The following INO80 variants were observed in gnomAD, a reference collection of about 807,000 sequenced individuals.
The protein encoded by INO80 is chromatin-remodeling ATPase INO80.
A neutral mutation model predicts 203.4 loss-of-function variants in INO80; 20 were observed. That is an observed-to-expected ratio of 0.10 (90% CI 0.07 to 0.14). INO80 has a LOEUF of 0.14. Ranked by LOEUF, INO80 falls within the 10% of genes least tolerant of loss-of-function variation. INO80 has a pLI of 1.00. For missense variants in INO80, 1,419 were observed against 1,914.4 expected, an observed-to-expected ratio of 0.74 and a Z score of 4.83; for synonymous variants, 726 against 685.2, an observed-to-expected ratio of 1.06 and a Z score of -0.93.
At chr15:41,021,235 G>T in intron 25 of INO80, 110 bp from the exon 26 acceptor site, 1 of 709,380 alleles carries the variant, frequency 1.4e-6, no homozygotes. Context: ...TCTTAGACTA[G>T]TGGTTTTAAA....
rs910796605 is a variant in INO80 at position 41,092,199 on chromosome 15, T to C, written c.382-17A>G. 2.6e-6 allele frequency: 4 copies of C among 1,564,280 alleles called. No homozygotes were observed. Among genetic ancestry groups the C allele is most frequent in the African/African-American group, 2.7e-5 (2 of 74,070 alleles). On this transcript the variant is annotated splice_polypyrimidine_tract_variant and intron_variant, in intron 4 of 35. Coordinates refer to ENST00000648947, the MANE Select transcript of INO80 (RefSeq NM_017553.3). ...CAGAATGCTCTGAAAAGGGTGAAAA[T>C]AGAAATGTATCTTTTGCTGTGAAGC...
Position 41,072,017 on chromosome 15 carries a change from A to G in INO80, c.1437T>C (p.Ala479=), listed in dbSNP as rs778302651. The G allele has an allele frequency of 5.6e-6, 9 of 1,608,344 alleles. No individual in the cohort carries two copies. Among genetic ancestry groups the G allele is most frequent in the Non-Finnish European group, 6.8e-6 (8 of 1,178,330 alleles). ...FDEDAKESRA[A]ALRAANKSGT... is the part of the protein sequence containing the mutation. ...CAGACTTGTTTGCTGCCCGTAGGGC[A>G]GCTGCTCGACTTTCTTTTGCATCTT... is the stretch of plus-strand genomic sequence containing the variant. The change falls in exon 12 of 36, where the codon GCT becomes GCC. Residue 479 remains alanine (A), a synonymous_variant. Transcript: ENST00000648947.
Position 41,027,649 on chromosome 15 carries a change from G to A in INO80, c.2995C>T (p.Arg999Cys), listed in dbSNP as rs906809076. The change falls in exon 25 of 36, where the codon CGT becomes TGT. Residue 999 changes from arginine (R) to cysteine (C), a missense_variant. By Grantham distance (180) the Arg-to-Cys change is radical. Coordinates refer to ENST00000648947, the MANE Select transcript of INO80 (RefSeq NM_017553.3). ...HQRRSATSSL[R>C]RCLLTELPSF... is the part of the protein sequence containing the mutation. ...GGCAGCTCAGTGAGCAGGCAGCGAC[G>A]CAGCGAGGAGGTAGCTGATCTCCGC... The A allele has an allele frequency of 4.3e-6, 7 of 1,613,892 alleles. No homozygotes were observed. The highest frequency in any genetic ancestry group is 3.3e-5 in the South Asian group (3 of 91,048).
chr15:41,000,583 T>A (rs2043945232), intron 28 of INO80, among the ~76,000 whole-genome samples: 1 of 151,136 alleles, frequency 6.6e-6, no homozygotes, highest in Non-Finnish European at 1.5e-5. Context: ...TAGTCTCAGC[T>A]ACTTGGGAGG....
intron 23 of INO80, among the ~76,000 whole-genome samples, chr15:41,045,461 A>G (rs1264157140): frequency 1.3e-5 from 2 of 152,032 alleles, no homozygotes; most frequent in African/African-American, 4.8e-5. Context: ...AGGCACCTGT[A>G]ATACCAGCTA....
intron 17 of INO80, among the ~76,000 whole-genome samples, chr15:41,056,104 T>G (rs1206910977): frequency 6.6e-6 from 1 of 152,014 alleles, no homozygotes; most frequent in Non-Finnish European, 1.5e-5. Flanking sequence ...CCACTATGCC[T>G]GGCTAATTTT....
chr15:40,998,834 G>C (rs573594927), intron 28 of INO80, among the ~76,000 whole-genome samples: 3 of 152,056 alleles, frequency 2.0e-5, no homozygotes, highest in Admixed American at 2.0e-4. Flanking sequence ...GCTAATTTTT[G>C]TATTTTTAGT....
At chr15:41,027,541 T>C in intron 25 of INO80, 55 bp downstream of exon 25, 1 of 1,392,438 alleles carries the variant, frequency 7.2e-7, no homozygotes, top group Non-Finnish European at 9.8e-7. Context: ...CCTTAAAAAT[T>C]GGTTTATTTC....
chr15:41,028,734 T>C (rs146799317), intron 24 of INO80, among the ~76,000 whole-genome samples: 4,223 of 152,218 alleles, frequency 0.028, 187 homozygotes, highest in African/African-American at 0.096. Context: ...CGGATGCCTG[T>C]AATCCCAGCT....
At chr15:41,065,320 C>A (rs1358977104) in intron 14 of INO80, among the ~76,000 whole-genome samples, 4 of 151,752 alleles carry the variant, frequency 2.6e-5, no homozygotes, top group African/African-American at 7.3e-5. Context: ...CCCCTGTAGT[C>A]CCAGCTACTC....
At chr15:41,011,352 T>C (rs1033048493) in intron 27 of INO80, among the ~76,000 whole-genome samples, 2 of 152,214 alleles carry the variant, frequency 1.3e-5, no homozygotes, top group African/African-American at 4.8e-5. Flanking sequence ...CACTGACAGG[T>C]ATTTGTGTAT....
intron 28 of INO80, among the ~76,000 whole-genome samples, chr15:40,999,900 G>A (rs926547153): frequency 6.6e-6 from 1 of 152,076 alleles, no homozygotes; most frequent in Non-Finnish European, 1.5e-5. Context: ...AGATCAGCTT[G>A]GGCAATACAG....
intron 19 of INO80, among the ~76,000 whole-genome samples, chr15:41,051,966 A>G (rs28667350): frequency 6.6e-6 from 1 of 151,986 alleles, no homozygotes; most frequent in South Asian, 2.1e-4. Flanking sequence ...TCAAAAAAAT[A>G]AAAAATAAAT....
At chr15:41,091,962 A>G in intron 5 of INO80, 65 bp downstream of exon 5, 1 of 1,410,886 alleles carries the variant, frequency 7.1e-7, no homozygotes, top group South Asian at 1.3e-5. Flanking sequence ...AAAATGATGT[A>G]TCTTTAATGA....
intron 7 of INO80, among the ~76,000 whole-genome samples, chr15:41,083,259 A>T (rs2045512518): frequency 6.6e-6 from 1 of 151,122 alleles, no homozygotes; most frequent in African/African-American, 2.4e-5. Context: ...CCTGGGCGAC[A>T]AAGCCAGACT....
intron 9 of INO80, among the ~76,000 whole-genome samples, chr15:41,075,344 T>C (rs1443494446): frequency 7.3e-5 from 11 of 151,574 alleles, no homozygotes; most frequent in Non-Finnish European, 1.6e-4. Flanking sequence ...AATCTGAGCC[T>C]CACCGTAACC....
intron 34 of INO80, among the ~76,000 whole-genome samples, chr15:40,983,402 G>A: frequency 6.6e-6 from 1 of 152,130 alleles, no homozygotes; most frequent in Middle Eastern, 3.2e-3. Context: ...ACACTCTAAT[G>A]TGCTCTTGCC....
chr15:40,980,493 C>CT, intron 35 of INO80, 53 bp from the exon 36 acceptor site: 2 of 1,405,194 alleles, frequency 1.4e-6, no homozygotes, highest in East Asian at 2.4e-5. Context: ...CGTAAGCTTC[C>CT]TTGGAGCCTG....
intron 29 of INO80, among the ~76,000 whole-genome samples, chr15:40,990,059 T>C (rs1029534342): frequency 2.0e-5 from 3 of 152,106 alleles, no homozygotes; most frequent in African/African-American, 7.2e-5. Flanking sequence ...GGCTAAAATT[T>C]GTTGGGTACT....
Sources: gnomAD v4.1 joint callset for allele counts (sites outside exome capture counted in the v4.1 genomes callset) on GRCh38, gnomAD v4.1.1 for gene constraint, MANE v1.5 for transcripts, NCBI Gene and HGNC (gene_info 2026-07-23, HGNC 2026-07-21) for gene names.